DNMBP: variants seen among roughly 807,000 people sequenced by gnomAD.
DNMBP encodes dynamin binding protein, also known as dynamin-binding protein.
A neutral mutation model predicts 150.0 loss-of-function variants in DNMBP; 87 were observed. The observed-to-expected ratio is 0.58, with a 90% CI of 0.49 to 0.69. The LOEUF is 0.69. Ranked by LOEUF, DNMBP falls within the 30% of genes least tolerant of loss-of-function variation. The pLI is 0.00. For synonymous variants in DNMBP, 711 were observed against 750.4 expected, an observed-to-expected ratio of 0.95 and a Z score of 0.86; for missense variants, 1,774 against 1,949.0, an observed-to-expected ratio of 0.91 and a Z score of 1.69.
rs183812609 is a variant in DNMBP, at chr10:99,897,747, T to C, written c.2920+339A>G. Among the ~76,000 whole-genome samples, 3 of 152,142 alleles carry C rather than the reference T, an allele frequency of 2.0e-5. No homozygotes were observed. In the East Asian group the frequency reaches 5.8e-4, roughly 30 times the overall value. ...GGCCAACATGGTGAAACCCTGTCTC[T>C]ACTAAAAATACAAAAATTAGCTGGG... On this transcript the variant is annotated intron_variant, in intron 9 of 16. Transcript: ENST00000324109.
At chr10:99,922,044 C>T (rs546120619) in intron 4 of DNMBP, among the ~76,000 whole-genome samples, 1 of 152,168 alleles carries the variant, frequency 6.6e-6, no homozygotes, top group South Asian at 2.1e-4. Context: ...GGAACCAGGT[C>T]TGCTGTGCAG....
At position 99,886,651 on chromosome 10, in the gene DNMBP, C is replaced by G; in HGVS notation, c.3286-19G>C. 1.3e-6 allele frequency: 2 copies of G among 1,599,254 alleles called. No individual in the cohort carries two copies. Among genetic ancestry groups the G allele is most frequent in the Non-Finnish European group, 1.7e-6 (2 of 1,169,884 alleles). On this transcript the variant is annotated intron_variant, in intron 12 of 16. Transcript: ENST00000324109. Reference sequence around the variant, plus strand: ...TCTCCTTCTGTAGGGACGAGAAAGGCACATTGCTCAGCTGGACAGCATCCC... The same window carrying G: ...TCTCCTTCTGTAGGGACGAGAAAGGGACATTGCTCAGCTGGACAGCATCCC...
intron 12 of DNMBP, among the ~76,000 whole-genome samples, chr10:99,888,075 G>A (rs892792925): frequency 3.3e-5 from 5 of 152,006 alleles, no homozygotes; most frequent in Admixed American, 2.6e-4. Flanking sequence ...CGCCCACCTC[G>A]GCCTCCCAAA....
intron 1 of DNMBP, among the ~76,000 whole-genome samples, chr10:99,979,295 C>T (rs2133363635): frequency 6.6e-6 from 1 of 152,248 alleles, no homozygotes; most frequent in East Asian, 1.9e-4. Context: ...AGTATCTACC[C>T]AACTGGGAAA....
chr10:99,876,995 G>C lies in DNMBP; in HGVS notation c.*156C>G. The C allele has an allele frequency of 1.7e-6, 1 of 581,334 alleles. No homozygotes were observed. The highest frequency in any genetic ancestry group is 2.5e-5 in the South Asian group (1 of 39,656). 36.0% of individuals were successfully genotyped at this position (581,334 alleles called of 1,614,324 possible). ...GAGCATCAAGGTTTACAACCCAATC[G>C]AGGAGAACAAGATCTGTGGTGTGCT... On this transcript the variant is annotated 3_prime_UTR_variant, in exon 17 of 17. Coordinates refer to ENST00000324109, the MANE Select transcript of DNMBP (RefSeq NM_015221.4).
At chr10:99,958,978 C>T (rs775490790) in intron 3 of DNMBP, among the ~76,000 whole-genome samples, 2 of 152,168 alleles carry the variant, frequency 1.3e-5, no homozygotes, top group Non-Finnish European at 2.9e-5. Flanking sequence ...TATTAAAATA[C>T]CTTTTCCTGT....
In DNMBP at chr10:99,957,126, G is replaced by A. The variant is rs781740819; in HGVS notation, c.348C>T (p.Phe116=). The A allele has an allele frequency of 1.2e-5, 20 of 1,613,412 alleles. No homozygotes were observed. The African/African-American group carries it at 2.7e-4, about 22-fold the overall frequency. Residue 116 remains phenylalanine (F), a synonymous_variant, in exon 4 of 17, where the codon TTC becomes TTT. Coordinates refer to ENST00000324109, the MANE Select transcript of DNMBP (RefSeq NM_015221.4). ...GRSCWGARGF[F]PSSCVRELCL... ...AGAGCTCGCGGACACATGAAGATGG[G>A]AAGAAGCCCCGTGCGCCCCAGCAGC...
intron 4 of DNMBP, among the ~76,000 whole-genome samples, 179 bp from the exon 5 acceptor site, chr10:99,909,325 T>C (rs570882486): frequency 6.6e-6 from 1 of 152,328 alleles, no homozygotes; most frequent in South Asian, 2.1e-4. Context: ...TAGAAAGCCA[T>C]CACTGCAGAG....
chr10:99,907,863 GT>G, intron 6 of DNMBP, 131 bp downstream of exon 6: 1 of 635,932 alleles, frequency 1.6e-6, no homozygotes, highest in Non-Finnish European at 2.8e-6. Context: ...CAGAGGACAA[GT>G]AACCTCTGGA....
At chr10:99,911,178 T>C (rs2039894098) in intron 4 of DNMBP, among the ~76,000 whole-genome samples, 1 of 151,826 alleles carries the variant, frequency 6.6e-6, no homozygotes, top group Non-Finnish European at 1.5e-5. Context: ...GTGGCAGAGG[T>C]TGCAGTAAGC....
chr10:99,898,606 G>A (rs2039694180), intron 8 of DNMBP, 137 bp downstream of exon 8: 1 of 895,340 alleles, frequency 1.1e-6, no homozygotes, highest in Admixed American at 2.0e-5. Flanking sequence ...GGGGATAAGT[G>A]CTACGAAAGA....
rs66770733 is a variant in DNMBP, at chr10:99,990,407, CT to C, written c.-10-18274del. Among the ~76,000 whole-genome samples, 1,003 of 152,036 alleles carry C rather than the reference CT, an allele frequency of 6.6e-3. 10 individuals are homozygous for C. The highest frequency in any genetic ancestry group is 0.023 in the African/African-American group (962 of 41,454). On this transcript the variant is annotated intron_variant, in intron 1 of 16. Transcript: ENST00000324109. ...TCTCTACTGAAAATACAAAAATTAG[CT>C]GGGCATGGTGGCGTGCAACCATAGT...
chr10:99,930,893 T>A lies in DNMBP; in HGVS notation c.2261-21747A>T, dbSNP rs531164822. The A allele has an allele frequency of 4.1e-4, 231 of 561,478 alleles. 1 individual carries two copies. Among genetic ancestry groups the A allele is most frequent in the African/African-American group, 3.9e-3 (208 of 52,732 alleles). The allele number at this position is 561,478 out of a possible 1,614,324, so 34.8% of individuals were successfully genotyped here. ...AATGTCTCCCAACCATTCCAGACACTCTTCTCGTTGCTCTAGTCGGAGCGC... is the reference window on the plus strand; with the variant it reads ...AATGTCTCCCAACCATTCCAGACACACTTCTCGTTGCTCTAGTCGGAGCGC... On this transcript the variant is annotated intron_variant, in intron 4 of 16. Transcript: ENST00000324109.
At chr10:99,964,322 C>A (rs998515753) in intron 3 of DNMBP, among the ~76,000 whole-genome samples, 3 of 151,352 alleles carry the variant, frequency 2.0e-5, no homozygotes, top group Non-Finnish European at 4.4e-5. Flanking sequence ...TGGGGTTTCA[C>A]CATCTTGGCC....
rs2039284353 is a variant in DNMBP at position 99,876,997 on chromosome 10, G to A, written c.*154C>T. Reference sequence around the variant, plus strand: ...GCATCAAGGTTTACAACCCAATCGAGGAGAACAAGATCTGTGGTGTGCTCC... The same window carrying A: ...GCATCAAGGTTTACAACCCAATCGAAGAGAACAAGATCTGTGGTGTGCTCC... On this transcript the variant is annotated 3_prime_UTR_variant, in exon 17 of 17. Coordinates refer to ENST00000324109, the MANE Select transcript of DNMBP (RefSeq NM_015221.4). The A allele has an allele frequency of 6.8e-6, 4 of 586,818 alleles. No individual in the cohort carries two copies. Among genetic ancestry groups the A allele is most frequent in the Non-Finnish European group, 5.8e-6 (2 of 345,246 alleles). The allele number at this position is 586,818 out of a possible 1,614,324, so 36.4% of individuals were successfully genotyped here.
intron 1 of DNMBP, among the ~76,000 whole-genome samples, chr10:99,992,015 T>C (rs7083385): frequency 0.46 from 69,236 of 151,380 alleles, 16,597 homozygotes; most frequent in African/African-American, 0.6. Flanking sequence ...AGGGGGCAGA[T>C]GGCTTGAGCT....
intron 3 of DNMBP, among the ~76,000 whole-genome samples, chr10:99,959,523 A>C (rs1227961637): frequency 6.6e-6 from 1 of 151,990 alleles, no homozygotes. Context: ...ACCCAAAAAA[A>C]CAAAAAAGCT....
In DNMBP at chr10:99,972,023, C is replaced by T; in HGVS notation, c.102G>A (p.Val34=). Residue 34 remains valine (V), a synonymous_variant, in exon 2 of 17, where the codon GTG becomes GTA. Coordinates refer to ENST00000324109, the MANE Select transcript of DNMBP (RefSeq NM_015221.4). ...FVGDIIEVLA[V]VDEFWLLGKK... ...TTCCTAGAAGCCAAAATTCATCCAC[C>T]ACTGCCAGCACCTCAATAATATCTC... 6.2e-7 allele frequency: 1 copy of T among 1,613,928 alleles called. No individual in the cohort carries two copies. The highest frequency in any genetic ancestry group is 8.5e-7 in the Non-Finnish European group (1 of 1,179,988).
At chr10:99,939,815 T>C (rs1021394076) in intron 4 of DNMBP, among the ~76,000 whole-genome samples, 10 of 152,224 alleles carry the variant, frequency 6.6e-5, no homozygotes, top group African/African-American at 2.4e-4. Context: ...GAGATGTCTT[T>C]TCAGGCTTTT....
Sources: gnomAD v4.1 joint callset for allele counts (sites outside exome capture counted in the v4.1 genomes callset) on GRCh38, gnomAD v4.1.1 for gene constraint, MANE v1.5 for transcripts, NCBI Gene and HGNC (gene_info 2026-07-23, HGNC 2026-07-21) for gene names.